The following CDH18 variants were observed in gnomAD, a reference collection of about 807,000 sequenced individuals.
CDH18 encodes cadherin-18.
CDH18 carries 31 observed loss-of-function variants against 67.9 expected under a neutral mutation model. The observed-to-expected ratio is 0.46, with a 90% CI of 0.34 to 0.62. The LOEUF is 0.62. Among genes scored for constraint, CDH18 ranks in the 20% least tolerant of loss-of-function variants. The pLI, the probability that CDH18 is intolerant of heterozygous loss-of-function variation, is 0.01. For missense variants in CDH18, 890 were observed against 975.5 expected (o/e 0.91, Z 1.17); for synonymous variants, 362 against 347.2 (o/e 1.04, Z -0.48).
intron 2 of CDH18, among the ~76,000 whole-genome samples, chr5:19,979,765 T>G (rs1798852414): frequency 6.6e-6 from 1 of 152,162 alleles, no homozygotes; most frequent in African/African-American, 2.4e-5. Flanking sequence ...GCTGTTTTTA[T>G]GGCATCAAGA....
chr5:19,532,796 C>T (rs879733174), intron 9 of CDH18, among the ~76,000 whole-genome samples: 2 of 152,134 alleles, frequency 1.3e-5, no homozygotes, highest in Non-Finnish European at 2.9e-5. Flanking sequence ...AAAGGTATAG[C>T]TGACAAAAGT....
chr5:20,329,726 C>T (rs1312933817), intron 1 of CDH18, among the ~76,000 whole-genome samples: 2 of 137,624 alleles, frequency 1.5e-5, no homozygotes, highest in South Asian at 2.3e-4. Context: ...GCCAAGTTTG[C>T]GCCACTGTAC....
At chr5:19,935,588 G>T (rs557167841) in intron 2 of CDH18, among the ~76,000 whole-genome samples, 1 of 151,220 alleles carries the variant, frequency 6.6e-6, no homozygotes, top group East Asian at 1.9e-4. Flanking sequence ...TATACCATCT[G>T]GGTTTGTTTA....
At chr5:19,566,733 G>A (rs1740473630) in intron 8 of CDH18, among the ~76,000 whole-genome samples, 1 of 152,132 alleles carries the variant, frequency 6.6e-6, no homozygotes, top group Non-Finnish European at 1.5e-5. Flanking sequence ...TGAGGACACA[G>A]CCAAACCATA....
chr5:20,388,902 C>T (rs1744567161), intron 1 of CDH18, among the ~76,000 whole-genome samples: 1 of 152,132 alleles, frequency 6.6e-6, no homozygotes, highest in South Asian at 2.1e-4. Flanking sequence ...TTTGATTGCA[C>T]TGTGGTCTGA....
At chr5:20,523,064 G>A (rs1056006296) in intron 1 of CDH18, among the ~76,000 whole-genome samples, 2 of 152,094 alleles carry the variant, frequency 1.3e-5, no homozygotes, top group Admixed American at 1.3e-4. Flanking sequence ...TCATTTTAAT[G>A]TACTGCAGTT....
At chr5:19,843,823 T>G (rs903331462) in intron 2 of CDH18, among the ~76,000 whole-genome samples, 1 of 152,124 alleles carries the variant, frequency 6.6e-6, no homozygotes, top group Non-Finnish European at 1.5e-5. Flanking sequence ...AGACATGGAG[T>G]AAAAGGAAAT....
chr5:19,756,350 C>T (rs1771599023), intron 3 of CDH18, among the ~76,000 whole-genome samples: 1 of 152,176 alleles, frequency 6.6e-6, no homozygotes, highest in South Asian at 2.1e-4. Flanking sequence ...TGCAGATGGT[C>T]ACGTGGTCGT....
At chr5:20,145,258 A>T (rs1750553938) in intron 2 of CDH18, among the ~76,000 whole-genome samples, 1 of 152,212 alleles carries the variant, frequency 6.6e-6, no homozygotes, top group Admixed American at 6.5e-5. Context: ...ATTCTAATAA[A>T]ATTTAACTAG....
intron 1 of CDH18, among the ~76,000 whole-genome samples, chr5:20,454,863 G>A (rs1750726702): frequency 6.6e-6 from 1 of 152,064 alleles, no homozygotes; most frequent in African/African-American, 2.4e-5. Flanking sequence ...ATAGCAAGCA[G>A]ACACAAGACT....
intron 2 of CDH18, among the ~76,000 whole-genome samples, chr5:19,954,880 A>G (rs1796115595): frequency 6.6e-6 from 1 of 152,038 alleles, no homozygotes; most frequent in Non-Finnish European, 1.5e-5. Flanking sequence ...TTGGGACTGA[A>G]GATACGACTG....
At chr5:19,785,663 AAAAAAAAAAAAAAAAAATAT>A (rs1240558018) in intron 3 of CDH18, among the ~76,000 whole-genome samples, 3 of 58,168 alleles carry the variant, frequency 5.2e-5, no homozygotes, top group African/African-American at 2.4e-4. Flanking sequence ...TCAAAAAAAA[AAAAAAAAAAAAAAAAAATAT>A]ATATATATAT....
chr5:19,945,713 C>T (rs574833761), intron 2 of CDH18, among the ~76,000 whole-genome samples: 1 of 152,072 alleles, frequency 6.6e-6, no homozygotes, highest in African/African-American at 2.4e-5. Context: ...CTGAAAAACA[C>T]AGTAACTACT....
intron 2 of CDH18, among the ~76,000 whole-genome samples, chr5:19,929,917 C>A: frequency 6.6e-6 from 1 of 152,010 alleles, no homozygotes; most frequent in South Asian, 2.1e-4. Context: ...TGGCTTTCTG[C>A]AGCAGGAAAA....
chr5:20,568,959 T>C (rs1238746977), intron 1 of CDH18, among the ~76,000 whole-genome samples: 1 of 152,220 alleles, frequency 6.6e-6, no homozygotes, highest in Non-Finnish European at 1.5e-5. Flanking sequence ...CCAAGTACTT[T>C]ACATTTTGTT....
chr5:19,707,205 G>A (rs1764080913), intron 5 of CDH18, among the ~76,000 whole-genome samples: 1 of 152,126 alleles, frequency 6.6e-6, no homozygotes, highest in Non-Finnish European at 1.5e-5. Context: ...AGTTCATGCT[G>A]AGGAGGACCC....
At chr5:19,534,130 C>T (rs185816436) in intron 9 of CDH18, among the ~76,000 whole-genome samples, 4 of 151,474 alleles carry the variant, frequency 2.6e-5, no homozygotes, top group African/African-American at 9.7e-5. Flanking sequence ...TGTGTAGAAC[C>T]TAAAAGGTAT....
At chr5:20,126,144 C>T (rs1167064876) in intron 2 of CDH18, among the ~76,000 whole-genome samples, 6 of 151,984 alleles carry the variant, frequency 3.9e-5, no homozygotes, top group East Asian at 1.9e-4. Context: ...GAATAAGGAG[C>T]GCGGTCATAA....
chr5:20,019,335 C>T lies in CDH18; in HGVS notation c.-517-27321G>A, dbSNP rs139834823. On this transcript the variant is annotated intron_variant, in intron 2 of 14. Transcript: ENST00000507958. ...ATTAATGAGATCTGCATACTTTTTA[C>T]GGATGATATATGGTAACACAGAGTC... Among the ~76,000 whole-genome samples, 182 of 152,258 alleles carry T rather than the reference C, an allele frequency of 1.2e-3. 2 individuals are homozygous for T. The highest frequency in any genetic ancestry group is 3.4e-3 in the Middle Eastern group (1 of 294).
Sources: allele counts gnomAD v4.1 joint callset (sites outside exome capture counted in the v4.1 genomes callset), GRCh38; gene constraint gnomAD v4.1.1; transcripts MANE v1.5; gene names NCBI Gene and HGNC (gene_info 2026-07-23, HGNC 2026-07-21).